TRHDE: variants seen among roughly 807,000 people sequenced by gnomAD.
TRHDE encodes thyrotropin releasing hormone degrading enzyme.
In TRHDE, 72 loss-of-function variants were observed where a neutral mutation model predicts 125.7. That is an observed-to-expected ratio of 0.57 (90% confidence interval 0.47 to 0.70). The LOEUF (loss-of-function observed/expected upper bound fraction) is 0.70. TRHDE is among the 30% of genes least tolerant of loss of function. The probability of loss-of-function intolerance (pLI) is 0.00; values close to 1 mark genes in which losing one functional copy is unlikely to be tolerated. For synonymous variants in TRHDE, 509 were observed against 509.1 expected (o/e 1.00, Z 0.00); for missense variants, 1,110 against 1,327.1 (o/e 0.84, Z 2.54).
intron 6 of TRHDE, among the ~76,000 whole-genome samples, chr12:72,526,547 A>G (rs571227698): frequency 6.6e-6 from 1 of 152,270 alleles, no homozygotes; most frequent in South Asian, 2.1e-4. Context: ...ATAAATATGC[A>G]AAGATATTTT....
chr12:72,344,529 C>T (rs1325706747), intron 2 of TRHDE, among the ~76,000 whole-genome samples: 1 of 152,086 alleles, frequency 6.6e-6, no homozygotes, highest in Non-Finnish European at 1.5e-5. Context: ...TTATTTTAAA[C>T]TGCTGAGTCC....
intron 7 of TRHDE, among the ~76,000 whole-genome samples, chr12:72,559,379 A>G (rs1021449692): frequency 1.1e-4 from 16 of 152,218 alleles, no homozygotes; most frequent in African/African-American, 3.6e-4. Context: ...TAAAGCTCAT[A>G]TAGCTAGTGA....
intron 5 of TRHDE, among the ~76,000 whole-genome samples, chr12:72,488,011 AACAG>A (rs1877491249): frequency 7.1e-6 from 1 of 140,606 alleles, no homozygotes; most frequent in African/African-American, 3.2e-5. Context: ...AAAAAAATTC[AACAG>A]ATACACAAGC....
intron 2 of TRHDE, among the ~76,000 whole-genome samples, chr12:72,337,551 G>T (rs937064155): frequency 2.0e-5 from 3 of 151,952 alleles, no homozygotes; most frequent in South Asian, 4.1e-4. Flanking sequence ...TTATGATCAG[G>T]TTCCCTCCTT....
intron 15 of TRHDE, among the ~76,000 whole-genome samples, chr12:72,642,971 A>G (rs1429181118): frequency 6.6e-6 from 1 of 152,228 alleles, no homozygotes; most frequent in East Asian, 1.9e-4. Flanking sequence ...ACATCTTTAC[A>G]AATTTAGCAA....
intron 7 of TRHDE, among the ~76,000 whole-genome samples, chr12:72,543,780 G>T (rs1450091809): frequency 6.9e-6 from 1 of 144,690 alleles, no homozygotes; most frequent in Non-Finnish European, 1.5e-5. Flanking sequence ...ATTTGGAAAG[G>T]ATTATTATTT....
chr12:72,621,674 C>T lies in TRHDE; in HGVS notation c.2598C>T (p.Ala866=). The change falls in exon 15 of 19, where the codon GCC becomes GCT. Residue 866 remains alanine, a synonymous_variant. Transcript: ENST00000261180. ...TACGTAGAGAAGTTATAATGCTGGC[C>T]TGCAGTTTTGGCAACAAGCACTGTC... is the stretch of plus-strand genomic sequence containing the variant. ...EELRREVIML[A]CSFGNKHCHQ... 1 of 1,607,376 alleles carries T rather than the reference C, an allele frequency of 6.2e-7. No homozygotes were observed. The highest frequency in any genetic ancestry group is 8.5e-7 in the Non-Finnish European group (1 of 1,177,930).
intron 3 of TRHDE, among the ~76,000 whole-genome samples, chr12:72,404,270 A>G (rs905701120): frequency 1.3e-5 from 2 of 152,078 alleles, no homozygotes; most frequent in Admixed American, 1.3e-4. Flanking sequence ...AGAGAAAATT[A>G]GCCAGGCAAA....
At chr12:72,433,857 G>A (rs1874612292) in intron 3 of TRHDE, among the ~76,000 whole-genome samples, 1 of 151,896 alleles carries the variant, frequency 6.6e-6, no homozygotes, top group African/African-American at 2.4e-5. Context: ...CACATGCCTG[G>A]AATTTAGCCT....
At chr12:72,209,221 G>A (rs142772725) in intron 2 of TRHDE, among the ~76,000 whole-genome samples, 123 of 152,136 alleles carry the variant, frequency 8.1e-4, no homozygotes, top group Non-Finnish European at 1.4e-3. Flanking sequence ...TTTTGCCCTC[G>A]CTCATCTCAG....
intron 2 of TRHDE, among the ~76,000 whole-genome samples, chr12:72,222,797 A>G (rs1331824772): frequency 6.6e-6 from 1 of 152,066 alleles, no homozygotes; most frequent in Non-Finnish European, 1.5e-5. Context: ...GAATAGGAGA[A>G]ATTTCCAGGC....
chr12:72,562,201 A>G lies in TRHDE; in HGVS notation c.1825A>G (p.Arg609Gly). ...LTIHKYGNAA[R>G]NDLWNTLSEA... ...CATTCATAAGTATGGTAATGCAGCC[A>G]GAAATGATCTCTGGAATACATTATC... Residue 609 changes from arginine to glycine, a missense_variant, in exon 8 of 19, where the codon AGA becomes GGA. Around this residue, in one of 5 missense-constraint regions of TRHDE, gnomAD observed 527 missense variants for 651.8 expected, o/e 0.81. Coordinates refer to ENST00000261180, the MANE Select transcript of TRHDE (RefSeq NM_013381.3). 1.3e-6 allele frequency: 2 copies of G among 1,563,940 alleles called. No individual in the cohort carries two copies. The highest frequency in any genetic ancestry group is 1.4e-5 in the African/African-American group (1 of 74,006).
At chr12:72,310,002 T>C (rs1592535240) in intron 2 of TRHDE, among the ~76,000 whole-genome samples, 2 of 152,196 alleles carry the variant, frequency 1.3e-5, no homozygotes, top group Admixed American at 1.3e-4. Flanking sequence ...ATGCAATTTG[T>C]TTCCATTAAA....
chr12:72,556,822 G>C (rs977707694), intron 7 of TRHDE, among the ~76,000 whole-genome samples: 1 of 152,154 alleles, frequency 6.6e-6, no homozygotes, highest in Non-Finnish European at 1.5e-5. Context: ...CAGCCTTCTT[G>C]TCACATCTTC....
chr12:72,322,832 A>G (rs573710985), intron 2 of TRHDE, among the ~76,000 whole-genome samples: 1 of 152,272 alleles, frequency 6.6e-6, no homozygotes, highest in East Asian at 1.9e-4. Flanking sequence ...GACTTCAGTT[A>G]TCCACATTTG....
At chr12:72,363,518 G>A (rs1592390291) in intron 2 of TRHDE, among the ~76,000 whole-genome samples, 1 of 151,912 alleles carries the variant, frequency 6.6e-6, no homozygotes, top group East Asian at 1.9e-4. Context: ...AAAGACAAAA[G>A]CCACATGATT....
chr12:72,627,875 C>A (rs1237003895), intron 15 of TRHDE, among the ~76,000 whole-genome samples: 1 of 150,814 alleles, frequency 6.6e-6, no homozygotes, highest in African/African-American at 2.4e-5. Context: ...GACAGGGTCT[C>A]ACTATATTGC....
At chr12:72,619,440 T>C (rs1250783306) in intron 13 of TRHDE, among the ~76,000 whole-genome samples, 1 of 152,198 alleles carries the variant, frequency 6.6e-6, no homozygotes, top group Non-Finnish European at 1.5e-5. Flanking sequence ...CAAAAGGGCA[T>C]ACTGAATTCA....
intron 2 of TRHDE, among the ~76,000 whole-genome samples, chr12:72,172,411 T>C (rs1876893431): frequency 6.6e-6 from 1 of 152,216 alleles, no homozygotes; most frequent in Non-Finnish European, 1.5e-5. Context: ...TTTTCTCATC[T>C]TAAATATGAG....
Sources: gnomAD v4.1 joint callset for allele counts (sites outside exome capture counted in the v4.1 genomes callset) on GRCh38, gnomAD v4.1.1 for gene constraint, gnomAD v4.1.1 regional missense constraint, MANE v1.5 for transcripts, NCBI Gene and HGNC (gene_info 2026-07-23, HGNC 2026-07-21) for gene names.